Variants in CRLF3 observed in about 807,000 individuals in gnomAD.
The protein encoded by CRLF3 is cytokine receptor like factor 3, also known as cytokine receptor-like factor 3.
CRLF3 carries 33 observed loss-of-function variants against 55.0 expected under a neutral mutation model. The ratio of observed to expected loss-of-function variants is 0.60; its 90% CI spans 0.46 to 0.80. The LOEUF (loss-of-function observed/expected upper bound fraction) is 0.80. Ranked by LOEUF, CRLF3 falls within the 30% of genes least tolerant of loss-of-function variation. CRLF3 has a pLI of 0.00. For synonymous variants in CRLF3, 238 were observed against 196.8 expected, an observed-to-expected ratio of 1.21 and a Z score of -1.75; for missense variants, 494 against 538.4, an observed-to-expected ratio of 0.92 and a Z score of 0.82.
At chr17:30,820,479 A>G (rs1231454978) in intron 1 of CRLF3, among the ~76,000 whole-genome samples, 1 of 152,086 alleles carries the variant, frequency 6.6e-6, no homozygotes, top group Non-Finnish European at 1.5e-5. Context: ...GCTTGAGCTC[A>G]GGAGTTAGAA....
intron 4 of CRLF3, among the ~76,000 whole-genome samples, chr17:30,793,931 C>T (rs1022262647): frequency 7.2e-5 from 11 of 151,976 alleles, no homozygotes; most frequent in African/African-American, 2.7e-4. Context: ...CTCCACACCC[C>T]GGGTTCAAGC....
intron 1 of CRLF3, among the ~76,000 whole-genome samples, chr17:30,819,315 C>A (rs1199875117): frequency 6.6e-6 from 1 of 152,172 alleles, no homozygotes; most frequent in Non-Finnish European, 1.5e-5. Context: ...ACCTCCAGTA[C>A]CTCAACTAAT....
intron 1 of CRLF3, among the ~76,000 whole-genome samples, chr17:30,816,736 G>A (rs983411682): frequency 2.6e-5 from 4 of 151,924 alleles, no homozygotes; most frequent in African/African-American, 7.3e-5. Context: ...AGATCTTCCC[G>A]TCTTGGCCTC....
intron 1 of CRLF3, among the ~76,000 whole-genome samples, chr17:30,811,797 C>G (rs1300689490): frequency 9.8e-6 from 1 of 102,346 alleles, no homozygotes; most frequent in Non-Finnish European, 1.8e-5. Context: ...GCACGAGACT[C>G]TGTCTCAAAA....
chr17:30,793,999 C>T (rs1332152622), intron 4 of CRLF3, among the ~76,000 whole-genome samples: 2 of 151,950 alleles, frequency 1.3e-5, no homozygotes, highest in African/African-American at 2.4e-5. Flanking sequence ...CCACCATGTC[C>T]GGCTAATTTT....
intron 2 of CRLF3, among the ~76,000 whole-genome samples, chr17:30,802,643 A>T (rs537146178): frequency 1.2e-3 from 168 of 142,500 alleles, no homozygotes; most frequent in Middle Eastern, 4.7e-3. Context: ...GGCTGGTCTT[A>T]AACTCCTGAC....
At chr17:30,803,092 G>A (rs902823147) in intron 2 of CRLF3, among the ~76,000 whole-genome samples, 52 of 151,604 alleles carry the variant, frequency 3.4e-4, no homozygotes, top group African/African-American at 1.2e-3. Context: ...CTGAGCCAGG[G>A]AGGTCAAGAC....
intron 1 of CRLF3, among the ~76,000 whole-genome samples, chr17:30,818,718 T>C (rs1479185015): frequency 6.6e-6 from 1 of 151,832 alleles, no homozygotes; most frequent in East Asian, 1.9e-4. Flanking sequence ...CCTCCCAAAA[T>C]GCTGGGATTA....
intron 6 of CRLF3, among the ~76,000 whole-genome samples, chr17:30,788,291 A>G (rs1273037456): frequency 6.6e-6 from 1 of 150,406 alleles, no homozygotes; most frequent in East Asian, 2.0e-4. Flanking sequence ...GTGCCATTGC[A>G]TTCCAGCCTG....
intron 5 of CRLF3, among the ~76,000 whole-genome samples, chr17:30,793,200 A>AGGG (rs1567660998): frequency 1.1e-4 from 16 of 152,198 alleles, no homozygotes; most frequent in Admixed American, 8.5e-4. Flanking sequence ...TCAGTGCCCT[A>AGGG]CATAATATTT....
intron 6 of CRLF3, among the ~76,000 whole-genome samples, chr17:30,788,599 C>CTTT (rs1159336036): frequency 0.045 from 3,599 of 80,042 alleles, 394 homozygotes; most frequent in South Asian, 0.095. Context: ...GTAGTGCCTT[C>CTTT]TTTTTTTTTT....
intron 2 of CRLF3, among the ~76,000 whole-genome samples, chr17:30,797,924 G>A (rs942824153): frequency 4.8e-5 from 7 of 146,960 alleles, no homozygotes; most frequent in Admixed American, 6.8e-5. Flanking sequence ...ACACGTGCAC[G>A]CCACCATGCC....
intron 7 of CRLF3, 121 bp downstream of exon 7, chr17:30,785,797 GA>G (rs918280318): frequency 2.1e-6 from 1 of 475,336 alleles, no homozygotes; most frequent in Non-Finnish European, 3.6e-6. Context: ...AAAAAAAAAA[GA>G]AAAAGAAAAA....
chr17:30,807,964 A>G (rs904882983), intron 1 of CRLF3, among the ~76,000 whole-genome samples: 1 of 152,186 alleles, frequency 6.6e-6, no homozygotes, highest in African/African-American at 2.4e-5. Flanking sequence ...AAATAAATCC[A>G]AGTAAAAATT....
In CRLF3 at chr17:30,793,661, G is replaced by A. The variant is rs762316077; in HGVS notation, c.615C>T (p.Asp205=). 4.3e-6 allele frequency: 7 copies of A among 1,611,380 alleles called. No homozygotes were observed. The highest frequency in any genetic ancestry group is 1.7e-4 in the Middle Eastern group (1 of 6,060). ...GGAGCCTGTAATCTTGGGCTGTAAA[G>A]TCATCATCCACCTAGGGAGAAAAGC... ...IIVRWCKVDD[D]FTAQDYRLQF... is the part of the protein sequence containing the mutation. Residue 205 remains aspartate (D), a synonymous_variant, in exon 5 of 8, where the codon GAC becomes GAT. Transcript: ENST00000324238.
chr17:30,786,270 C>T (rs553995289), intron 6 of CRLF3: 5 of 330,008 alleles, frequency 1.5e-5, no homozygotes, highest in East Asian at 1.2e-4. Flanking sequence ...GACGGAGTCT[C>T]GCTCTGTCAC....
At chr17:30,798,638 A>G (rs1443389297) in intron 2 of CRLF3, among the ~76,000 whole-genome samples, 1 of 152,082 alleles carries the variant, frequency 6.6e-6, no homozygotes, top group Non-Finnish European at 1.5e-5. Context: ...TGGGAGTTCA[A>G]GACTAGCTTG....
At chr17:30,789,241 C>G (rs1317508477) in intron 6 of CRLF3, among the ~76,000 whole-genome samples, 2 of 152,136 alleles carry the variant, frequency 1.3e-5, no homozygotes, top group Admixed American at 6.6e-5. Context: ...AAGAGAGACT[C>G]AACAGTTTAT....
rs1339455489 is a variant in CRLF3, at chr17:30,784,454, AAGG to A, written c.1073-14_1073-12del. 1.9e-6 allele frequency: 3 copies of A among 1,605,872 alleles called. No individual in the cohort carries two copies. Among genetic ancestry groups the A allele is most frequent in the Non-Finnish European group, 2.6e-6 (3 of 1,173,022 alleles). ...TGACAAAAACTGCACCTAAAATGTT[AAGG>A]TAAAGAGTCATTTACATGTGAGCAA... is the stretch of plus-strand genomic sequence containing the variant. On this transcript the variant is annotated splice_polypyrimidine_tract_variant and intron_variant, in intron 7 of 7. Coordinates refer to ENST00000324238, the MANE Select transcript of CRLF3 (RefSeq NM_015986.4).
Sources: gnomAD v4.1 joint callset for allele counts (sites outside exome capture counted in the v4.1 genomes callset) on GRCh38, gnomAD v4.1.1 for gene constraint, MANE v1.5 for transcripts, NCBI Gene and HGNC (gene_info 2026-07-23, HGNC 2026-07-21) for gene names.